The following PLBD2 variants were observed in gnomAD, a reference collection of about 807,000 sequenced individuals.
The protein encoded by PLBD2 is putative aminopeptidase PLBD2.
PLBD2 carries 51 observed loss-of-function variants against 68.3 expected under a neutral mutation model. That is an observed-to-expected ratio of 0.75 (90% CI 0.60 to 0.94). The LOEUF (loss-of-function observed/expected upper bound fraction) is 0.94, where lower values mean the gene tolerates loss of function less well. PLBD2 is among the 40% of genes least tolerant of loss of function. The pLI is 0.00. For missense variants in PLBD2, 729 were observed against 792.2 expected, an observed-to-expected ratio of 0.92 and a Z score of 0.96; for synonymous variants, 314 against 339.3, an observed-to-expected ratio of 0.93 and a Z score of 0.82.
intron 1 of PLBD2, among the ~76,000 whole-genome samples, chr12:113,368,799 G>A (rs892012313): frequency 1.3e-5 from 2 of 152,300 alleles, no homozygotes; most frequent in South Asian, 4.1e-4. Context: ...AGAACATGGC[G>A]TGGCACAGAG....
chr12:113,359,846 G>A (rs920730293), intron 1 of PLBD2, among the ~76,000 whole-genome samples: 69 of 152,330 alleles, frequency 4.5e-4, no homozygotes, highest in African/African-American at 1.6e-3. Context: ...CAGCTTCAAA[G>A]CCTTGTCAGC....
chr12:113,368,862 G>A (rs1200103667), intron 1 of PLBD2, among the ~76,000 whole-genome samples: 1 of 152,126 alleles, frequency 6.6e-6, no homozygotes, highest in Non-Finnish European at 1.5e-5. Flanking sequence ...GTGGGTAAGG[G>A]AATATAGATA....
chr12:113,378,396 G>C (rs1957452927), intron 5 of PLBD2, among the ~76,000 whole-genome samples: 1 of 152,004 alleles, frequency 6.6e-6, no homozygotes, highest in Non-Finnish European at 1.5e-5. Context: ...TAAAATGTTT[G>C]CTTTCTGAGT....
rs763047067 is a variant in PLBD2, at chr12:113,380,802, T to C, written c.917T>C (p.Ile306Thr). The C allele has an allele frequency of 1.3e-6, 2 of 1,557,176 alleles. No homozygotes were observed. The highest frequency in any genetic ancestry group is 4.8e-5 in the East Asian group (2 of 41,810). The change falls in exon 6 of 12, where the codon ATC (isoleucine) becomes ACC (threonine). Residue 306 changes from isoleucine (I) to threonine (T), a missense_variant. Ile to Thr is a moderately conservative substitution (Grantham distance 89). Transcript: ENST00000280800. Reference sequence around the variant, plus strand: ...GTCTTCTCCTCCTACCCCGGCACCATCTTCTCCTGCGACGACTTCTACATC... The same window carrying C: ...GTCTTCTCCTCCTACCCCGGCACCACCTTCTCCTGCGACGACTTCTACATC... ...KLVFSSYPGT[I>T]FSCDDFYILG...
chr12:113,358,824 T>C lies in PLBD2; in HGVS notation c.224T>C (p.Met75Thr), dbSNP rs771636828. 9 of 1,514,064 alleles carry C rather than the reference T, an allele frequency of 5.9e-6. No individual in the cohort carries two copies. The South Asian group carries it at 7.4e-5, about 12-fold the overall frequency. 93.8% of individuals were successfully genotyped at this position (1,514,064 alleles called of 1,614,324 possible). The change falls in exon 1 of 12, where the codon ATG (methionine) becomes ACG (threonine). Residue 75 changes from methionine to threonine, a missense_variant. Coordinates refer to ENST00000280800, the MANE Select transcript of PLBD2 (RefSeq NM_173542.4). ...GACGTCTCGGCGGGCCAGCTGCTTATGGTGGACGGACGCCACCCTGACGCC... is the reference window on the plus strand; with the variant it reads ...GACGTCTCGGCGGGCCAGCTGCTTACGGTGGACGGACGCCACCCTGACGCC... ...LLDVSAGQLL[M>T]VDGRHPDAVA...
intron 9 of PLBD2, 60 bp downstream of exon 9, chr12:113,385,343 C>A: frequency 6.9e-7 from 1 of 1,451,372 alleles, no homozygotes; most frequent in Non-Finnish European, 9.7e-7. Flanking sequence ...CACTCCTTGC[C>A]CAGCTCCTTC....
Position 113,359,004 on chromosome 12 carries a change from G to A in PLBD2, c.290+114G>A, listed in dbSNP as rs193276559. On this transcript the variant is annotated intron_variant, in intron 1 of 11. Transcript: ENST00000280800. ...GCCGGGTGGGAACGCCCGTTTCTCT[G>A]GGGGTCAGCTACTCCCGAGGCTGCA... 2.5e-4 allele frequency: 292 copies of A among 1,191,432 alleles called. 2 individuals are homozygous for A. The African/African-American group carries it at 4.3e-3, about 18-fold the overall frequency. 73.8% of individuals were successfully genotyped at this position (1,191,432 alleles called of 1,614,324 possible).
In PLBD2 at chr12:113,384,956, C is replaced by A; in HGVS notation, c.1214+10C>A. The A allele has an allele frequency of 2.6e-6, 2 of 773,970 alleles. No homozygotes were observed. The highest frequency in any genetic ancestry group is 1.3e-5 in the South Asian group (1 of 75,010). 47.9% of individuals were successfully genotyped at this position (773,970 alleles called of 1,614,324 possible). On this transcript the variant is annotated intron_variant, in intron 8 of 11. Coordinates refer to ENST00000280800, the MANE Select transcript of PLBD2 (RefSeq NM_173542.4). The surrounding 1 kb of genome is among the most constrained non-coding windows in gnomAD (Gnocchi z 4.2). ...TCCTGGAGCAGATCCCGTGCGTACC[C>A]TGGGAGGGAGGGGTGGGGGCTCGGG...
chr12:113,359,223 G>A (rs954870775), intron 1 of PLBD2: 6 of 286,754 alleles, frequency 2.1e-5, no homozygotes, highest in Non-Finnish European at 3.9e-5. Flanking sequence ...CTATCCTCAC[G>A]GGGACCTGCT....
chr12:113,358,859 G>T lies in PLBD2; in HGVS notation c.259G>T (p.Ala87Ser), dbSNP rs373147310. 2 of 1,525,174 alleles carry T rather than the reference G, an allele frequency of 1.3e-6. No homozygotes were observed. Among genetic ancestry groups the T allele is most frequent in the African/African-American group, 2.9e-5 (2 of 69,764 alleles). The allele number at this position is 1,525,174 out of a possible 1,614,324, so 94.5% of individuals were successfully genotyped here. The part of the protein sequence containing the change: ...DGRHPDAVAW[A>S]NLTNAIRETG... ...ACGCCACCCTGACGCCGTGGCCTGGGCCAACCTCACCAACGCCATCCGCGA... is the reference window on the plus strand; with the variant it reads ...ACGCCACCCTGACGCCGTGGCCTGGTCCAACCTCACCAACGCCATCCGCGA... The change falls in exon 1 of 12, where the codon GCC (alanine) becomes TCC (serine). Residue 87 changes from alanine (A) to serine (S), a missense_variant. Ala to Ser is a moderately conservative substitution (Grantham distance 99, BLOSUM62 1). Coordinates refer to ENST00000280800, the MANE Select transcript of PLBD2 (RefSeq NM_173542.4).
At chr12:113,377,954 AAG>A (rs1957449568) in intron 5 of PLBD2, among the ~76,000 whole-genome samples, 1 of 152,226 alleles carries the variant, frequency 6.6e-6, no homozygotes, top group Non-Finnish European at 1.5e-5. Context: ...CACAACCCAA[AAG>A]AGAACATTTC....
chr12:113,358,600 C>G lies in PLBD2; in HGVS notation c.-1C>G. On this transcript the variant is annotated 5_prime_UTR_variant, in exon 1 of 12. Coordinates refer to ENST00000280800, the MANE Select transcript of PLBD2 (RefSeq NM_173542.4). Reference sequence around the variant, plus strand: ...GCTGCGGGGCGCAGCATTGTGCGGTCATGGTGGGCCAGATGTACTGCTACC... The same window carrying G: ...GCTGCGGGGCGCAGCATTGTGCGGTGATGGTGGGCCAGATGTACTGCTACC... 6.8e-7 allele frequency: 1 copy of G among 1,468,514 alleles called. No homozygotes were observed. The highest frequency in any genetic ancestry group is 3.0e-5 in the East Asian group (1 of 33,264). The allele number at this position is 1,468,514 out of a possible 1,614,324, so 91.0% of individuals were successfully genotyped here.
chr12:113,374,452 C>G, intron 3 of PLBD2, 22 bp from the exon 4 acceptor site: 7 of 1,516,208 alleles, frequency 4.6e-6, no homozygotes, highest in Non-Finnish European at 6.3e-6. Flanking sequence ...CACCCTCCCT[C>G]TGCCCCCGCC....
chr12:113,370,760 G>C (rs567649854), intron 2 of PLBD2, among the ~76,000 whole-genome samples: 1 of 152,278 alleles, frequency 6.6e-6, no homozygotes, highest in Non-Finnish European at 1.5e-5. Context: ...TTACAGGTAC[G>C]AGCCACCTGG....
intron 3 of PLBD2, among the ~76,000 whole-genome samples, chr12:113,373,582 A>G (rs914227570): frequency 6.6e-6 from 1 of 151,088 alleles, no homozygotes; most frequent in Non-Finnish European, 1.5e-5. Context: ...CCATCCATCC[A>G]TGCATCCATC....
At chr12:113,376,308 C>T (rs1166594982) in intron 5 of PLBD2, among the ~76,000 whole-genome samples, 8 of 151,690 alleles carry the variant, frequency 5.3e-5, no homozygotes, top group Non-Finnish European at 1.5e-5. Flanking sequence ...GGATTATAGG[C>T]GCGCACCACT....
At chr12:113,369,251 AG>A in intron 2 of PLBD2, 42 bp downstream of exon 2, 1 of 1,441,238 alleles carries the variant, frequency 6.9e-7, no homozygotes. Context: ...ACCCTGCCCC[AG>A]CCCCACAAGC....
intron 8 of PLBD2, 65 bp from the exon 9 acceptor site, chr12:113,385,147 C>G: frequency 3.2e-6 from 5 of 1,544,952 alleles, no homozygotes; most frequent in Non-Finnish European, 3.6e-6. Context: ...GCTCCCCGAG[C>G]AGGGCAGTGC....
At chr12:113,370,265 T>C (rs1162088725) in intron 2 of PLBD2, among the ~76,000 whole-genome samples, 1 of 151,968 alleles carries the variant, frequency 6.6e-6, no homozygotes, top group African/African-American at 2.4e-5. Context: ...AATGACTGAA[T>C]GAAAGGGAAT....
Sources: allele counts gnomAD v4.1 joint callset (sites outside exome capture counted in the v4.1 genomes callset), GRCh38; gene constraint gnomAD v4.1.1; non-coding constraint Gnocchi (gnomAD v3.1); transcripts MANE v1.5; gene names NCBI Gene and HGNC (gene_info 2026-07-23, HGNC 2026-07-21).